Variants in MGA observed in about 807,000 individuals in gnomAD.
The protein encoded by MGA is MAX gene-associated protein.
MGA carries 40 observed loss-of-function variants against 261.1 expected under a neutral mutation model. That is an observed-to-expected ratio of 0.15 (90% CI 0.12 to 0.20). The LOEUF is 0.20. Ranked by LOEUF, MGA falls within the 10% of genes least tolerant of loss-of-function variation. The pLI, the probability that MGA is intolerant of heterozygous loss-of-function variation, is 1.00. For synonymous variants in MGA, 1,302 were observed against 1,290.6 expected (o/e 1.01, Z -0.19); for missense variants, 3,397 against 3,630.5 (o/e 0.94, Z 1.65).
intron 5 of MGA, among the ~76,000 whole-genome samples, chr15:41,701,468 A>G (rs11630972): frequency 0.22 from 32,944 of 152,134 alleles, 4,623 homozygotes; most frequent in Middle Eastern, 0.41. Flanking sequence ...CAAATTTGTA[A>G]TCGTTTCCTT....
intron 7 of MGA, among the ~76,000 whole-genome samples, chr15:41,709,422 A>G (rs1261687359): frequency 2.0e-5 from 3 of 152,248 alleles, no homozygotes; most frequent in South Asian, 4.1e-4. Flanking sequence ...AATGTTTTGT[A>G]TCACACTCCA....
intron 9 of MGA, 97 bp from the exon 10 acceptor site, chr15:41,727,083 G>C (rs2061289557): frequency 2.3e-6 from 2 of 858,866 alleles, no homozygotes; most frequent in Non-Finnish European, 3.5e-6. Flanking sequence ...ACGAGTTACT[G>C]CCTTTTGTGA....
At chr15:41,742,204 A>G (rs895160945) in intron 14 of MGA, among the ~76,000 whole-genome samples, 1 of 151,574 alleles carries the variant, frequency 6.6e-6, no homozygotes, top group Non-Finnish European at 1.5e-5. Flanking sequence ...CCTGACCAAC[A>G]TGGAGAAACC....
Position 41,766,717 on chromosome 15 carries a change from C to A in MGA, c.8635C>A (p.His2879Asn). ...AAGCAGAGCAACTTTCCAGGTTGAG[C>A]ACTTGGGAACTGGTTTGAAAGAGTT... Residue 2879 changes from histidine to asparagine, a missense_variant, in exon 24 of 24, where the codon CAC (histidine) becomes AAC (asparagine). By Grantham distance (68) the His-to-Asn change is moderately conservative (BLOSUM62 1). Coordinates refer to ENST00000219905, the MANE Select transcript of MGA (RefSeq NM_001164273.2). 6.2e-7 allele frequency: 1 copy of A among 1,613,928 alleles called. No individual in the cohort carries two copies. The highest frequency in any genetic ancestry group is 8.5e-7 in the Non-Finnish European group (1 of 1,179,884).
At chr15:41,689,889 T>C (rs2059176799) in intron 2 of MGA, among the ~76,000 whole-genome samples, 1 of 152,210 alleles carries the variant, frequency 6.6e-6, no homozygotes, top group South Asian at 2.1e-4. Flanking sequence ...TTAATAGTTA[T>C]TTTTTAAAAA....
In MGA at chr15:41,740,141, GCACTGCAACAAATC is replaced by G. The variant is rs1567060356; in HGVS notation, c.4524_4537del (p.Thr1509ProfsTer32). On this transcript the variant is annotated frameshift_variant, in exon 14 of 24. Transcript: ENST00000219905. LOFTEE classifies it high-confidence loss of function. ...AATTCCAAAATGGCATCCTCCTCTG[GCACTGCAACAAATC>G]GCCCTGGGAAGAATCTGAAGGCGTT... 1 of 1,613,964 alleles carries G rather than the reference GCACTGCAACAAATC, an allele frequency of 6.2e-7. No individual in the cohort carries two copies. The highest frequency in any genetic ancestry group is 1.1e-5 in the South Asian group (1 of 91,086).
chr15:41,656,978 G>A (rs1470707963), upstream of MGA, among the ~76,000 whole-genome samples: 2 of 151,934 alleles, frequency 1.3e-5, no homozygotes, highest in African/African-American at 4.8e-5. Context: ...TCACTATGTT[G>A]TCCAGGCTGG....
At chr15:41,699,256 CTG>C (rs2059709560) in intron 5 of MGA, 97 bp downstream of exon 5, 1 of 776,114 alleles carries the variant, frequency 1.3e-6, no homozygotes, top group East Asian at 3.0e-5. Flanking sequence ...CTCTTTTTTT[CTG>C]TTTTTTCCTC....
chr15:41,640,152 G>A (rs1467706519), intron 1 of MGA, among the ~76,000 whole-genome samples: 2 of 152,166 alleles, frequency 1.3e-5, no homozygotes, highest in Non-Finnish European at 2.9e-5. Context: ...TGATGCTGGT[G>A]AATTTATGGA....
intron 1 of MGA, among the ~76,000 whole-genome samples, chr15:41,662,421 C>T (rs909019397): frequency 6.6e-6 from 1 of 152,156 alleles, no homozygotes; most frequent in Non-Finnish European, 1.5e-5. Flanking sequence ...TACTCTCTTA[C>T]GCAGGTGCAA....
intron 2 of MGA, among the ~76,000 whole-genome samples, chr15:41,680,134 ATGGTCCTACTGTATTCCACCTCTGTGG>A (rs2058591497): frequency 6.6e-6 from 1 of 152,330 alleles, no homozygotes; most frequent in South Asian, 2.1e-4. Context: ...CTGCCTGACC[ATGGTCCTACTGTATTCCACCTCTGTGG>A]TAAGGCGTTT....
At chr15:41,650,491 GC>G in intron 1 of MGA, among the ~76,000 whole-genome samples, 1 of 152,160 alleles carries the variant, frequency 6.6e-6, no homozygotes, top group South Asian at 2.1e-4. Flanking sequence ...AGGCTGGAGT[GC>G]AGTGGTGTGA....
intron 1 of MGA, among the ~76,000 whole-genome samples, chr15:41,667,383 T>C (rs1326599538): frequency 6.6e-6 from 1 of 151,946 alleles, no homozygotes; most frequent in Non-Finnish European, 1.5e-5. Context: ...GTACCTGGGA[T>C]TATGGGCGCA....
At chr15:41,752,473 G>C (rs1164101271) in intron 17 of MGA, among the ~76,000 whole-genome samples, 1 of 148,650 alleles carries the variant, frequency 6.7e-6, no homozygotes, top group Non-Finnish European at 1.5e-5. Context: ...GTTAACATGA[G>C]ACCAAAAAAC....
intron 15 of MGA, among the ~76,000 whole-genome samples, chr15:41,745,340 G>A (rs1165714198): frequency 6.9e-6 from 1 of 145,684 alleles, no homozygotes. Context: ...AGCATTACTC[G>A]GCATAATAGA....
rs2063873017 is a variant in MGA, at chr15:41,767,798, G to C, written c.*518G>C. On this transcript the variant is annotated 3_prime_UTR_variant, in exon 24 of 24. Transcript: ENST00000219905. ...AGGATGGGTACCATGGAATACCAAA[G>C]TGAAGGACTTTGTGTCATTCAGTAA... 6.5e-6 allele frequency: 1 copy of C among 154,256 alleles called. No individual in the cohort carries two copies. Among genetic ancestry groups the C allele is most frequent in the Non-Finnish European group, 1.4e-5 (1 of 69,186 alleles). 9.6% of individuals were successfully genotyped at this position (154,256 alleles called of 1,614,324 possible).
In MGA at chr15:41,696,707, T is replaced by G. The variant is rs2059563903; in HGVS notation, c.1697T>G (p.Leu566Arg). The change falls in exon 3 of 24, where the codon CTC (leucine) becomes CGC (arginine). Residue 566 changes from leucine (L) to arginine (R), a missense_variant. Physicochemically the swap from Leu to Arg is moderately radical, Grantham distance 102 (BLOSUM62 -2). Around this residue, in one of 9 missense-constraint regions of MGA, gnomAD observed 563 missense variants for 563.6 expected, o/e 1.00. Coordinates refer to ENST00000219905, the MANE Select transcript of MGA (RefSeq NM_001164273.2). ...GACAGCATTAGCACAGAAAGAATACTCGACGATTCAAAGGATTCAGTTGGA... is the reference window on the plus strand; with the variant it reads ...GACAGCATTAGCACAGAAAGAATACGCGACGATTCAAAGGATTCAGTTGGA... 2 of 1,612,646 alleles carry G rather than the reference T, an allele frequency of 1.2e-6. No individual in the cohort carries two copies. The highest frequency in any genetic ancestry group is 2.2e-5 in the South Asian group (2 of 90,822).
rs1184716554 is a variant in MGA, at chr15:41,711,029, C to A, written c.2764C>A (p.Pro922Thr). ...ATCTTATAAATCCATTTTACCATAC[C>A]CTGTTTCACCAAAGCAGAAATACTC... The change falls in exon 8 of 24, where the codon CCT becomes ACT. Residue 922 changes from proline to threonine, a missense_variant. By Grantham distance (38) the Pro-to-Thr change is conservative. Coordinates refer to ENST00000219905, the MANE Select transcript of MGA (RefSeq NM_001164273.2). 6.2e-7 allele frequency: 1 copy of A among 1,613,872 alleles called. No individual in the cohort carries two copies. The highest frequency in any genetic ancestry group is 8.5e-7 in the Non-Finnish European group (1 of 1,179,888).
At position 41,767,253 on chromosome 15, in the gene MGA, G is replaced by T; in HGVS notation, c.9171G>T (p.Gly3057=). 6.2e-7 allele frequency: 1 copy of T among 1,612,442 alleles called. No homozygotes were observed. The highest frequency in any genetic ancestry group is 8.5e-7 in the Non-Finnish European group (1 of 1,178,864). ...TTGTGGCTAAATTGGGCAACTCGGGGGCCTCACCAAGTTCTGCAGGGAAAT... is the reference window on the plus strand; with the variant it reads ...TTGTGGCTAAATTGGGCAACTCGGGTGCCTCACCAAGTTCTGCAGGGAAAT... The change falls in exon 24 of 24, where the codon GGG becomes GGT. Residue 3057 remains glycine (G), a synonymous_variant. Transcript: ENST00000219905.
Sources: allele counts gnomAD v4.1 joint callset (sites outside exome capture counted in the v4.1 genomes callset), GRCh38; gene constraint gnomAD v4.1.1; regional missense constraint gnomAD v4.1.1; transcripts MANE v1.5; gene names NCBI Gene and HGNC (gene_info 2026-07-23, HGNC 2026-07-21).